Variants in CDK5RAP3 observed in about 807,000 individuals in gnomAD.
CDK5RAP3 encodes the protein CDK5 regulatory subunit associated protein 3.
Under a neutral mutation model 73.3 loss-of-function variants are expected in CDK5RAP3, and 58 were observed. The observed-to-expected ratio is 0.79, with a 90% CI of 0.64 to 0.98. The LOEUF (loss-of-function observed/expected upper bound fraction) is 0.98. Among genes scored for constraint, CDK5RAP3 ranks in the 50% least tolerant of loss-of-function variants. The pLI is 0.00. For synonymous variants in CDK5RAP3, 224 were observed against 247.5 expected (o/e 0.91, Z 0.89); for missense variants, 525 against 615.8 (o/e 0.85, Z 1.56).
At chr17:47,972,318 T>G (rs1021126736) in intron 2 of CDK5RAP3, among the ~76,000 whole-genome samples, 4 of 152,210 alleles carry the variant, frequency 2.6e-5, no homozygotes, top group Non-Finnish European at 5.9e-5. Flanking sequence ...GATTCATGGA[T>G]TTGATGCCAA....
chr17:47,977,888 A>C lies in CDK5RAP3; in HGVS notation c.966A>C (p.Thr322=), dbSNP rs573352277. 8.1e-6 allele frequency: 13 copies of C among 1,614,106 alleles called. No homozygotes were observed. The South Asian group carries it at 1.2e-4, about 15-fold the overall frequency. Residue 322 remains threonine, a synonymous_variant, in exon 10 of 14, where the codon ACA becomes ACC. Transcript: ENST00000338399. ...WGDDAVALQI[T]VLEAGTQAPE... ...ACGATGCTGTTGCTTTGCAGATCAC[A>C]GTGCTGGAAGCAGGAACCCAGGGTA...
Position 47,981,603 on chromosome 17 carries a change from A to C in CDK5RAP3, c.*101A>C. The C allele has an allele frequency of 1.9e-6, 3 of 1,605,642 alleles. No individual in the cohort carries two copies. The highest frequency in any genetic ancestry group is 2.5e-6 in the Non-Finnish European group (3 of 1,177,388). ...CCCTTCAAGGCAAAAGACCAGGCTG[A>C]CTGGAAGATGGAAAGCCACAGGAAG... is the stretch of plus-strand genomic sequence containing the variant. On this transcript the variant is annotated 3_prime_UTR_variant, in exon 14 of 14. Transcript: ENST00000338399.
At chr17:47,974,289 G>C (rs2144219741) in intron 4 of CDK5RAP3, 111 bp from the exon 5 acceptor site, 3 of 972,576 alleles carry the variant, frequency 3.1e-6, no homozygotes, top group African/African-American at 1.6e-5. Flanking sequence ...CAAGGAGTTT[G>C]TGTTTGATGT....
chr17:47,981,276 C>T lies in CDK5RAP3; in HGVS notation c.1397C>T (p.Ala466Val), dbSNP rs774973807. Residue 466 changes from alanine (A) to valine (V), a missense_variant, in exon 13 of 14, where the codon GCG (alanine) becomes GTG (valine). Ala to Val is a moderately conservative substitution (Grantham distance 64). Transcript: ENST00000338399. ...CAGCAGGAGGCACTTGAGGAGCAGG[C>T]GGCTCTGGAGCCTAAGCTGGACCTG... ...QKQQEALEEQ[A>V]ALEPKLDLLL... The T allele has an allele frequency of 2.4e-5, 38 of 1,614,080 alleles. No homozygotes were observed. The highest frequency in any genetic ancestry group is 2.8e-5 in the Non-Finnish European group (33 of 1,180,024).
chr17:47,975,645 G>A lies in CDK5RAP3; in HGVS notation c.645G>A (p.Val215=), dbSNP rs758769916. ...IDVYQASVGF[V]CESPTEQVLP... Reference sequence around the variant, plus strand: ...TGTACCAGGCGTCTGTGGGGTTTGTGTGTGAGAGGTAGAGAGGCCTCAGCT... The same window carrying A: ...TGTACCAGGCGTCTGTGGGGTTTGTATGTGAGAGGTAGAGAGGCCTCAGCT... Residue 215 remains valine, a synonymous_variant, in exon 7 of 14, where the codon GTG becomes GTA. Transcript: ENST00000338399. 6.3e-7 allele frequency: 1 copy of A among 1,599,982 alleles called. No individual in the cohort carries two copies. The highest frequency in any genetic ancestry group is 8.5e-7 in the Non-Finnish European group (1 of 1,176,912).
Position 47,978,812 on chromosome 17 carries a change from CT to C in CDK5RAP3, c.989-16del, listed in dbSNP as rs746319440. 3 of 1,603,340 alleles carry C rather than the reference CT, an allele frequency of 1.9e-6. No homozygotes were observed. In the Admixed American group the frequency reaches 5.0e-5, roughly 27 times the overall value. ...AGTCCTCTGATCCTTTATCACTTCT[CT>C]GTCTCTTCCTGGCAGCTCCAGAAGG... On this transcript the variant is annotated splice_polypyrimidine_tract_variant and intron_variant, in intron 10 of 13. Transcript: ENST00000338399.
At position 47,973,488 on chromosome 17, in the gene CDK5RAP3, G is replaced by T. The variant is rs34358803; in HGVS notation, c.53-31G>T. ...GATGGAATTTTGGTGATGTGAATGG[G>T]AATGCTCTAATTTGGGTGCTTCTCA... On this transcript the variant is annotated intron_variant, in intron 2 of 13. Coordinates refer to ENST00000338399, the MANE Select transcript of CDK5RAP3 (RefSeq NM_176096.3). 4.5e-3 allele frequency: 7,153 copies of T among 1,605,470 alleles called. 259 individuals are homozygous for T. In the African/African-American group the frequency reaches 0.084, roughly 19 times the overall value.
chr17:47,976,462 C>T (rs985120754), intron 8 of CDK5RAP3: 8 of 400,566 alleles, frequency 2.0e-5, no homozygotes, highest in Middle Eastern at 7.4e-4. Flanking sequence ...CAGCCTCAAG[C>T]GATCCTCCCA....
In CDK5RAP3 at chr17:47,975,526, C is replaced by G. The variant is rs894254257; in HGVS notation, c.526C>G (p.Arg176Gly). 2 of 1,611,016 alleles carry G rather than the reference C, an allele frequency of 1.2e-6. No homozygotes were observed. The highest frequency in any genetic ancestry group is 1.7e-6 in the Non-Finnish European group (2 of 1,180,008). The change falls in exon 7 of 14, where the codon CGA becomes GGA. Residue 176 changes from arginine to glycine, a missense_variant. Physicochemically the swap from Arg to Gly is moderately radical, Grantham distance 125 (BLOSUM62 -2). This residue lies in a region of CDK5RAP3 where 409 missense variants were observed against 429.8 expected (regional missense o/e 0.95). Transcript: ENST00000338399. ...KQYGITGENV[R>G]GELLALVKDL... Reference sequence around the variant, plus strand: ...CTCCCCTCTCTAGGGCGAAAATGTCCGAGGAGAACTGCTGGCCCTGGTGAA... The same window carrying G: ...CTCCCCTCTCTAGGGCGAAAATGTCGGAGGAGAACTGCTGGCCCTGGTGAA...
chr17:47,980,749 C>T lies in CDK5RAP3; in HGVS notation c.1234C>T (p.Leu412Phe), dbSNP rs1484543636. ...AGTGCTGGAGGATCTGATTGGCAAG[C>T]TTACCAGTCTTCAGCTGCAACACCT... ...VSVLEDLIGK[L>F]TSLQLQHLFM... Residue 412 changes from leucine (L) to phenylalanine (F), a missense_variant, in exon 12 of 14, where the codon CTT (leucine) becomes TTT (phenylalanine). Physicochemically the swap from Leu to Phe is conservative, Grantham distance 22 (BLOSUM62 0). Around this residue, in one of 2 missense-constraint regions of CDK5RAP3, gnomAD observed 116 missense variants for 186.1 expected, o/e 0.62. Coordinates refer to ENST00000338399, the MANE Select transcript of CDK5RAP3 (RefSeq NM_176096.3). 23 of 1,614,084 alleles carry T rather than the reference C, an allele frequency of 1.4e-5. No homozygotes were observed. Among genetic ancestry groups the T allele is most frequent in the African/African-American group, 4.0e-5 (3 of 74,924 alleles).
chr17:47,977,906 C>T lies in CDK5RAP3; in HGVS notation c.984C>T (p.Thr328=), dbSNP rs2036454985. The T allele has an allele frequency of 6.2e-7, 1 of 1,613,756 alleles. No individual in the cohort carries two copies. The highest frequency in any genetic ancestry group is 1.7e-5 in the Admixed American group (1 of 59,978). The change falls in exon 10 of 14, where the codon ACC becomes ACT. Residue 328 remains threonine, a synonymous_variant. Coordinates refer to ENST00000338399, the MANE Select transcript of CDK5RAP3 (RefSeq NM_176096.3). ...ALQITVLEAG[T]QAPEGVARGP... Reference sequence around the variant, plus strand: ...AGATCACAGTGCTGGAAGCAGGAACCCAGGGTAAGTGCACCATCCCCTGCA... The same window carrying T: ...AGATCACAGTGCTGGAAGCAGGAACTCAGGGTAAGTGCACCATCCCCTGCA...
In CDK5RAP3 at chr17:47,976,704, C is replaced by T; in HGVS notation, c.799-8C>T. 1.3e-6 allele frequency: 2 copies of T among 1,593,156 alleles called. No individual in the cohort carries two copies. Among genetic ancestry groups the T allele is most frequent in the Non-Finnish European group, 1.7e-6 (2 of 1,162,510 alleles). On this transcript the variant is annotated splice_polypyrimidine_tract_variant and splice_region_variant and intron_variant, in intron 8 of 13. Transcript: ENST00000338399. ...TTCCATGAGCTAACACTCTCTTTCCCTTTCCAGATTGACTGGGGCGACTTT... is the reference window on the plus strand; with the variant it reads ...TTCCATGAGCTAACACTCTCTTTCCTTTTCCAGATTGACTGGGGCGACTTT...
intron 2 of CDK5RAP3, among the ~76,000 whole-genome samples, chr17:47,971,623 A>G (rs1253693362): frequency 3.3e-5 from 5 of 152,198 alleles, no homozygotes; most frequent in African/African-American, 1.2e-4. Context: ...TTCTCCTTTA[A>G]TAACATATGT....
chr17:47,978,265 TTCTCCATGTTGG>T (rs1484506545), intron 10 of CDK5RAP3, among the ~76,000 whole-genome samples: 1 of 152,026 alleles, frequency 6.6e-6, no homozygotes, highest in East Asian at 1.9e-4. Flanking sequence ...GAGTTGGGGT[TTCTCCATGTTGG>T]TCAGGCTGGT....
rs761399838 is a variant in CDK5RAP3, at chr17:47,971,253, G to A, written c.6+101G>A. 2.0e-6 allele frequency: 3 copies of A among 1,537,766 alleles called. No homozygotes were observed. The African/African-American group carries it at 4.1e-5, about 21-fold the overall frequency. ...GCGGCTCAACCCAGCCCATCGCTCT[G>A]GCCCCGTTCTGGCCCTGCAGGGTGG... On this transcript the variant is annotated intron_variant, in intron 1 of 13. Transcript: ENST00000338399.
intron 4 of CDK5RAP3, 66 bp from the exon 5 acceptor site, chr17:47,974,334 G>A: frequency 7.5e-7 from 1 of 1,334,606 alleles, no homozygotes; most frequent in Non-Finnish European, 1.1e-6. Context: ...CCTGTTTAGG[G>A]ATTGAGCTGG....
At chr17:47,969,973 C>A (rs915885500), upstream of CDK5RAP3, among the ~76,000 whole-genome samples, 1 of 152,198 alleles carries the variant, frequency 6.6e-6, no homozygotes, top group East Asian at 1.9e-4. Context: ...CAATCAATTG[C>A]CAAGTCCTAT....
At chr17:47,976,353 C>T in intron 8 of CDK5RAP3, 1 of 364,970 alleles carries the variant, frequency 2.7e-6, no homozygotes, top group Non-Finnish European at 5.0e-6. Context: ...CAGCCCCACC[C>T]TCCTTTTTAA....
chr17:47,971,676 A>G (rs2144210283), intron 2 of CDK5RAP3, among the ~76,000 whole-genome samples: 1 of 152,284 alleles, frequency 6.6e-6, no homozygotes, highest in African/African-American at 2.4e-5. Context: ...CGCTTTAAAA[A>G]CAGTCAACCA....
Sources: allele counts gnomAD v4.1 joint callset (sites outside exome capture counted in the v4.1 genomes callset), GRCh38; gene constraint gnomAD v4.1.1; regional missense constraint gnomAD v4.1.1; transcripts MANE v1.5; gene names NCBI Gene and HGNC (gene_info 2026-07-23, HGNC 2026-07-21).